CLEC2A: variants seen among roughly 807,000 people sequenced by gnomAD.
The protein encoded by CLEC2A is C-type lectin domain family 2 member A.
Under a neutral mutation model 18.6 loss-of-function variants are expected in CLEC2A, and 19 were observed. The ratio of observed to expected loss-of-function variants is 1.02; its 90% CI spans 0.71 to 1.50. CLEC2A has a LOEUF of 1.50. Among genes scored for constraint, CLEC2A ranks in the 40% most tolerant of loss-of-function variants. The pLI is 0.00. For synonymous variants in CLEC2A, 74 were observed against 64.0 expected, an observed-to-expected ratio of 1.16 and a Z score of -0.75; for missense variants, 190 against 207.9, an observed-to-expected ratio of 0.91 and a Z score of 0.53.
chr12:9,927,964 C>T (rs599970), intron 1 of CLEC2A, among the ~76,000 whole-genome samples: 15,330 of 151,082 alleles, frequency 0.1, 967 homozygotes, highest in South Asian at 0.29. Context: ...GGTATTGAAA[C>T]AATTGAGAAA....
At chr12:9,892,937 T>G in the CLEC2A span, 1 of 1,196,878 alleles carries the variant, frequency 8.4e-7, no homozygotes, top group Non-Finnish European at 1.1e-6. Context: ...AAATCTATTT[T>G]CCAAGTAGTC....
At chr12:9,885,053 T>C in the CLEC2A span, 1 of 921,644 alleles carries the variant, frequency 1.1e-6, no homozygotes, top group Non-Finnish European at 1.4e-6. Flanking sequence ...AATTTTTATT[T>C]ATTTGAACAT....
At chr12:9,925,999 G>T (rs901778251) in intron 2 of CLEC2A, among the ~76,000 whole-genome samples, 1 of 152,160 alleles carries the variant, frequency 6.6e-6, no homozygotes, top group African/African-American at 2.4e-5. Context: ...CCATCTGGTG[G>T]TCATCTAAGA....
chr12:9,884,747 A>G, the CLEC2A span, among the ~76,000 whole-genome samples: 1 of 151,314 alleles, frequency 6.6e-6, no homozygotes, highest in African/African-American at 2.4e-5. Context: ...AGTACAATCC[A>G]AAACGTTTAA....
At chr12:9,914,825 C>T (rs1052102005) in intron 4 of CLEC2A, among the ~76,000 whole-genome samples, 3 of 151,836 alleles carry the variant, frequency 2.0e-5, no homozygotes, top group African/African-American at 4.8e-5. Flanking sequence ...ATGATGAAAA[C>T]GTCAAAAGCA....
intron 3 of CLEC2A, among the ~76,000 whole-genome samples, chr12:9,919,013 G>T (rs984617661): frequency 6.6e-6 from 1 of 152,152 alleles, no homozygotes; most frequent in South Asian, 2.1e-4. Context: ...GCGCTTGGAC[G>T]TATTTGTCAG....
chr12:9,915,224 C>T (rs545800273), intron 4 of CLEC2A, among the ~76,000 whole-genome samples: 3 of 151,928 alleles, frequency 2.0e-5, no homozygotes, highest in South Asian at 4.2e-4. Flanking sequence ...GAGGCTGTGG[C>T]GAGATAGGAA....
At chr12:9,913,974 C>T (rs1863028724) in intron 4 of CLEC2A, among the ~76,000 whole-genome samples, 1 of 152,112 alleles carries the variant, frequency 6.6e-6, no homozygotes, top group African/African-American at 2.4e-5. Flanking sequence ...TTCCATTCTT[C>T]CTTCCTTCCT....
intron 4 of CLEC2A, among the ~76,000 whole-genome samples, chr12:9,902,064 C>T (rs1265437850): frequency 6.6e-6 from 1 of 152,150 alleles, no homozygotes; most frequent in African/African-American, 2.4e-5. Context: ...GTTTACATTT[C>T]CATGCCTTCT....
At chr12:9,925,312 C>A (rs983341455) in intron 2 of CLEC2A, among the ~76,000 whole-genome samples, 2 of 152,040 alleles carry the variant, frequency 1.3e-5, no homozygotes. Context: ...TTTTATAGAA[C>A]AAACTATTAG....
chr12:9,885,791 A>C, the CLEC2A span, among the ~76,000 whole-genome samples: 1 of 152,048 alleles, frequency 6.6e-6, no homozygotes, highest in Admixed American at 6.5e-5. Context: ...TGCAACATTG[A>C]AATCAATTAC....
chr12:9,919,356 C>A (rs1380825611), intron 3 of CLEC2A, among the ~76,000 whole-genome samples: 1 of 152,140 alleles, frequency 6.6e-6, no homozygotes, highest in Admixed American at 6.5e-5. Flanking sequence ...TGCTGTGGGC[C>A]CAAGCTGGAG....
downstream of CLEC2A, among the ~76,000 whole-genome samples, chr12:9,911,671 T>TA (rs1009877146): frequency 3.3e-5 from 5 of 152,126 alleles, no homozygotes; most frequent in East Asian, 5.8e-4. Flanking sequence ...ATCTTCCCCT[T>TA]AAAAAAATAC....
At chr12:9,897,940 T>C (rs1373303075), downstream of CLEC2A, among the ~76,000 whole-genome samples, 3 of 152,232 alleles carry the variant, frequency 2.0e-5, no homozygotes, top group Non-Finnish European at 4.4e-5. Flanking sequence ...GCTATAGTTA[T>C]GGCATTTCTT....
intron 1 of CLEC2A, 47 bp downstream of exon 1, chr12:9,932,223 ATTTTG>A: frequency 7.7e-7 from 1 of 1,299,886 alleles, no homozygotes; most frequent in South Asian, 1.3e-5. Flanking sequence ...GCTGTCCTGT[ATTTTG>A]TTTTATCTTT....
the CLEC2A span, among the ~76,000 whole-genome samples, chr12:9,890,000 T>C: frequency 6.6e-6 from 1 of 152,184 alleles, no homozygotes; most frequent in African/African-American, 2.4e-5. Flanking sequence ...GAGAATTGTA[T>C]AATAAATCTT....
chr12:9,913,297 G>T lies in CLEC2A; in HGVS notation c.*269C>A. ...GCTAATCACCAGTGTGATGGTATTAGGGGATGGAGCCATCCATCAGGAGGT... is the reference window on the plus strand; with the variant it reads ...GCTAATCACCAGTGTGATGGTATTATGGGATGGAGCCATCCATCAGGAGGT... On this transcript the variant is annotated 3_prime_UTR_variant, in exon 5 of 5. Transcript: ENST00000455827. 2.6e-6 allele frequency: 1 copy of T among 390,508 alleles called. No individual in the cohort carries two copies. The highest frequency in any genetic ancestry group is 4.2e-6 in the Non-Finnish European group (1 of 235,604). 24.2% of individuals were successfully genotyped at this position (390,508 alleles called of 1,614,324 possible).
At chr12:9,894,126 TTC>T (rs141327204), downstream of CLEC2A, among the ~76,000 whole-genome samples, 15,108 of 130,136 alleles carry the variant, frequency 0.12, 1,044 homozygotes, top group South Asian at 0.35. Context: ...TTTCTTTTCT[TTC>T]TCTCTCTCTC....
downstream of CLEC2A, among the ~76,000 whole-genome samples, chr12:9,898,298 A>C (rs1216598350): frequency 6.6e-6 from 1 of 152,210 alleles, no homozygotes; most frequent in Non-Finnish European, 1.5e-5. Flanking sequence ...GTCTTATCTG[A>C]GATCCTTCCT....
Sources: allele counts gnomAD v4.1 joint callset (sites outside exome capture counted in the v4.1 genomes callset), GRCh38; gene constraint gnomAD v4.1.1; transcripts MANE v1.5; gene names NCBI Gene and HGNC (gene_info 2026-07-23, HGNC 2026-07-21).